Variants in DNAH6 observed in about 807,000 individuals in gnomAD.
The protein encoded by DNAH6 is dynein axonemal heavy chain 6, also known as axonemal beta dynein heavy chain 6.
Under a neutral mutation model 491.4 loss-of-function variants are expected in DNAH6, and 340 were observed. The observed-to-expected ratio is 0.69, with a 90% confidence interval of 0.63 to 0.76. The LOEUF (loss-of-function observed/expected upper bound fraction) is 0.76. DNAH6 is among the 30% of genes least tolerant of loss of function. The probability of loss-of-function intolerance (pLI) is 0.00; values close to 1 mark genes in which losing one functional copy is unlikely to be tolerated. For missense variants in DNAH6, 4,443 were observed against 4,972.2 expected, an observed-to-expected ratio of 0.89 and a Z score of 3.20; for synonymous variants, 1,603 against 1,686.1, an observed-to-expected ratio of 0.95 and a Z score of 1.21.
At chr2:84,489,649 C>T in the DNAH6 span, among the ~76,000 whole-genome samples, 12 of 152,234 alleles carry the variant, frequency 7.9e-5, no homozygotes, top group African/African-American at 2.6e-4. Context: ...CCTTGCACCT[C>T]CTTATTCTTA....
chr2:84,804,525 T>C (rs150528408), intron 70 of DNAH6, among the ~76,000 whole-genome samples: 39 of 152,218 alleles, frequency 2.6e-4, no homozygotes, highest in African/African-American at 8.9e-4. Flanking sequence ...TAAGTAATTA[T>C]ATCTGGAAAG....
At chr2:84,628,150 G>T (rs974323844) in intron 29 of DNAH6, among the ~76,000 whole-genome samples, 1 of 152,174 alleles carries the variant, frequency 6.6e-6, no homozygotes, top group Non-Finnish European at 1.5e-5. Flanking sequence ...GCCAGAAGAA[G>T]GGGGTATAGT....
In DNAH6 at chr2:84,548,301, G is replaced by A. The variant is rs757784873; in HGVS notation, c.1200G>A (p.Val400=). The change falls in exon 8 of 77, where the codon GTG becomes GTA. Residue 400 remains valine (V), a synonymous_variant. Coordinates refer to ENST00000389394, the MANE Select transcript of DNAH6 (RefSeq NM_001370.2). ...TGTTATTCTTAGATTATCATAAAGT[G>A]CAGAGCAGTGGAAGTTTCATTAATA... The part of the protein sequence containing the change: ...AFGPFEDYHK[V]QSSGSFINTP... 3 of 1,613,476 alleles carry A rather than the reference G, an allele frequency of 1.9e-6. No homozygotes were observed. The South Asian group carries it at 3.3e-5, about 18-fold the overall frequency.
At chr2:84,479,514 A>G in the DNAH6 span, among the ~76,000 whole-genome samples, 8 of 152,314 alleles carry the variant, frequency 5.3e-5, no homozygotes, top group South Asian at 6.2e-4. Context: ...CATGTTTGCA[A>G]TCTAACAGAG....
intron 11 of DNAH6, among the ~76,000 whole-genome samples, chr2:84,563,047 C>A (rs772530654): frequency 1.2e-4 from 18 of 152,126 alleles, no homozygotes; most frequent in Non-Finnish European, 2.2e-4. Flanking sequence ...TTATAAAGGG[C>A]AGTTCCCCCG....
At chr2:84,615,741 G>T (rs962175612) in intron 22 of DNAH6, among the ~76,000 whole-genome samples, 4 of 151,632 alleles carry the variant, frequency 2.6e-5, no homozygotes, top group African/African-American at 9.7e-5. Context: ...CTTTGTAGAG[G>T]TCTTTTACCT....
chr2:84,755,804 G>C (rs1673952648), intron 63 of DNAH6, among the ~76,000 whole-genome samples: 1 of 152,150 alleles, frequency 6.6e-6, no homozygotes, highest in Non-Finnish European at 1.5e-5. Flanking sequence ...CTATGGTTTG[G>C]CTGTGTCCCC....
At chr2:84,626,631 G>T (rs747253661) in intron 29 of DNAH6, among the ~76,000 whole-genome samples, 2 of 151,898 alleles carry the variant, frequency 1.3e-5, no homozygotes, top group African/African-American at 4.8e-5. Flanking sequence ...ATTTTGAGAC[G>T]GAGTCTCGCT....
intron 41 of DNAH6, among the ~76,000 whole-genome samples, chr2:84,679,076 G>C (rs1295498608): frequency 1.3e-5 from 2 of 151,282 alleles, no homozygotes. Context: ...AAGAATTGAA[G>C]AAGAGCAAAA....
At chr2:84,805,518 AATTG>A in intron 70 of DNAH6, 143 bp from the exon 71 acceptor site, 4 of 663,814 alleles carry the variant, frequency 6.0e-6, no homozygotes, top group East Asian at 6.7e-5. Flanking sequence ...ATCTCATGTT[AATTG>A]TTCTTACCAC....
rs539926979 is a variant in DNAH6 at position 84,651,679 on chromosome 2, T to C, written c.5079-1640T>C. Among the ~76,000 whole-genome samples the C allele has an allele frequency of 2.0e-5, 3 of 152,234 alleles. No homozygotes were observed. In the South Asian group the frequency reaches 6.2e-4, roughly 32 times the overall value. ...CAAAAAGACACAAGGGACTAGTCAC[T>C]GTGTTATTGCTTGCATCTTAAGGTA... is the stretch of plus-strand genomic sequence containing the variant. On this transcript the variant is annotated intron_variant, in intron 33 of 76. Coordinates refer to ENST00000389394, the MANE Select transcript of DNAH6 (RefSeq NM_001370.2).
At chr2:84,620,388 T>A (rs1687276590) in intron 24 of DNAH6, among the ~76,000 whole-genome samples, 1 of 152,178 alleles carries the variant, frequency 6.6e-6, no homozygotes, top group African/African-American at 2.4e-5. Flanking sequence ...CAGCAGCATC[T>A]CCAGGGCACT....
chr2:84,691,592 A>G (rs1250576307), intron 45 of DNAH6, among the ~76,000 whole-genome samples: 1 of 146,588 alleles, frequency 6.8e-6, no homozygotes, highest in East Asian at 1.9e-4. Context: ...GTAAAGAGCC[A>G]GATAGAAAAA....
the DNAH6 span, among the ~76,000 whole-genome samples, chr2:84,489,700 C>T: frequency 1.3e-5 from 1 of 79,644 alleles, no homozygotes; most frequent in African/African-American, 3.5e-5. Context: ...TGCTAGAATT[C>T]ACTCTGAATT....
At chr2:84,730,144 A>G (rs1335367509) in intron 61 of DNAH6, among the ~76,000 whole-genome samples, 1 of 152,246 alleles carries the variant, frequency 6.6e-6, no homozygotes, top group Non-Finnish European at 1.5e-5. Context: ...AAGAAAATCC[A>G]GATAAGCAAA....
At chr2:84,618,378 C>T (rs1426478479) in intron 23 of DNAH6, among the ~76,000 whole-genome samples, 3 of 152,130 alleles carry the variant, frequency 2.0e-5, no homozygotes, top group Non-Finnish European at 4.4e-5. Flanking sequence ...GCTTTGCTTC[C>T]TCCCACCTTC....
intron 15 of DNAH6, among the ~76,000 whole-genome samples, chr2:84,586,954 T>G (rs1346302913): frequency 6.6e-6 from 1 of 152,234 alleles, no homozygotes; most frequent in African/African-American, 2.4e-5. Flanking sequence ...TTTTATTTTT[T>G]AAGAAACTTT....
intron 37 of DNAH6, among the ~76,000 whole-genome samples, chr2:84,668,858 A>AGTG: frequency 3.0e-5 from 1 of 33,402 alleles, no homozygotes; most frequent in Middle Eastern, 0.01. Context: ...GTGTGTGTGT[A>AGTG]TGATTGTAAT....
chr2:84,590,231 C>G (rs113360550), intron 16 of DNAH6, among the ~76,000 whole-genome samples: 6,176 of 152,006 alleles, frequency 0.041, 413 homozygotes, highest in African/African-American at 0.14. Context: ...CGCAGTGGCT[C>G]ACACCTGTAC....
Sources: gnomAD v4.1 joint callset for allele counts (sites outside exome capture counted in the v4.1 genomes callset) on GRCh38, gnomAD v4.1.1 for gene constraint, MANE v1.5 for transcripts, NCBI Gene and HGNC (gene_info 2026-07-23, HGNC 2026-07-21) for gene names.